The following SQSTM1 variants were observed in gnomAD, a reference collection of about 807,000 sequenced individuals.
SQSTM1 encodes sequestosome 1, also known as sequestosome-1.
SQSTM1 carries 36 observed loss-of-function variants against 45.1 expected under a neutral mutation model. That is an observed-to-expected ratio of 0.80 (90% CI 0.61 to 1.05). The LOEUF (loss-of-function observed/expected upper bound fraction) is 1.05. Ranked by LOEUF, SQSTM1 falls within the 50% of genes least tolerant of loss-of-function variation. SQSTM1 has a pLI of 0.00. For missense variants in SQSTM1, 617 were observed against 607.1 expected (o/e 1.02, Z -0.17); for synonymous variants, 290 against 244.3 (o/e 1.19, Z -1.74).
rs377371202 is a variant in SQSTM1 at position 179,820,941 on chromosome 5, C to T, written c.5C>T (p.Ala2Val). Residue 2 changes from alanine (A) to valine (V), a missense_variant, in exon 1 of 8, where the codon GCG becomes GTG. Transcript: ENST00000389805. ...TCCGCCAGCTCGCCGCTCGCTATGGCGTCGCTCACCGTGAAGGCCTACCTT... is the reference window on the plus strand; with the variant it reads ...TCCGCCAGCTCGCCGCTCGCTATGGTGTCGCTCACCGTGAAGGCCTACCTT... M[A>V]SLTVKAYLLG... 3.8e-5 allele frequency: 59 copies of T among 1,551,114 alleles called. No individual in the cohort carries two copies. In the African/African-American group the frequency reaches 5.2e-4, roughly 14 times the overall value.
chr5:179,830,835 C>T (rs1316586930), intron 5 of SQSTM1, among the ~76,000 whole-genome samples: 6 of 152,164 alleles, frequency 3.9e-5, no homozygotes, highest in Non-Finnish European at 7.3e-5. Context: ...GGATTACAGG[C>T]ATGAGCCACT....
At chr5:179,836,311 G>A (rs1026511476) in intron 7 of SQSTM1, 125 bp from the exon 8 acceptor site, 1 of 1,310,912 alleles carries the variant, frequency 7.6e-7, no homozygotes, top group African/African-American at 1.5e-5. Context: ...GTGAGGACGA[G>A]AGCTCTGGGC....
At chr5:179,828,206 C>G (rs142404900) in intron 5 of SQSTM1, among the ~76,000 whole-genome samples, 1 of 152,172 alleles carries the variant, frequency 6.6e-6, no homozygotes. Flanking sequence ...GCCTGAAAAT[C>G]TCACGCTTTC....
chr5:179,811,866 GCC>G (rs1757419325), intron 2 of SQSTM1: 1 of 152,156 alleles, frequency 6.6e-6, no homozygotes, highest in Non-Finnish European at 1.5e-5. Context: ...GTGCAGTGGC[GCC>G]ATCTCGGCTC....
chr5:179,821,607 A>G, intron 1 of SQSTM1: 2 of 441,662 alleles, frequency 4.5e-6, no homozygotes, highest in East Asian at 8.0e-5. Context: ...GAGGGGAGGG[A>G]GTGACGCGGG....
chr5:179,836,592 G>A lies in SQSTM1; in HGVS notation c.1322G>A (p.Ter441=), dbSNP rs987821927. The change falls in exon 8 of 8, where the codon TGA becomes TAA. Residue 441 remains the stop codon, a stop_retained_variant. Coordinates refer to ENST00000389805, the MANE Select transcript of SQSTM1 (RefSeq NM_003900.5). ...IQYSKHPPPL[*] is the part of the protein sequence containing the mutation. ...TATTCAAAGCATCCCCCGCCGTTGT[G>A]ACCACTTTTGCCCACCTCTTCTGCG... 2.0e-5 allele frequency: 33 copies of A among 1,614,028 alleles called. No individual in the cohort carries two copies. The highest frequency in any genetic ancestry group is 5.0e-5 in the Admixed American group (3 of 59,992).
chr5:179,824,830 T>C (rs988944398), intron 4 of SQSTM1, among the ~76,000 whole-genome samples: 2 of 152,220 alleles, frequency 1.3e-5, no homozygotes. Flanking sequence ...TTTGCTTGAC[T>C]TTGAGTAAAT....
upstream of SQSTM1, chr5:179,818,855 G>GT (rs1023179445): frequency 6.6e-6 from 1 of 152,660 alleles, no homozygotes; most frequent in Non-Finnish European, 1.5e-5. Flanking sequence ...TGCACGCCGG[G>GT]CCCTGGAGGG....
rs775444139 is a variant in SQSTM1 at position 179,837,193 on chromosome 5, T to G, written c.*600T>G. 6.5e-7 allele frequency: 1 copy of G among 1,546,666 alleles called. No individual in the cohort carries two copies. Among genetic ancestry groups the G allele is most frequent in the South Asian group, 1.2e-5 (1 of 86,866 alleles). Reference sequence around the variant, plus strand: ...TCAGCTGCTTTTAAAATAAGATCTCTTTGTAGCCATCCTGTTAAATTTGTA... The same window carrying G: ...TCAGCTGCTTTTAAAATAAGATCTCGTTGTAGCCATCCTGTTAAATTTGTA... On this transcript the variant is annotated 3_prime_UTR_variant, in exon 8 of 8. Coordinates refer to ENST00000389805, the MANE Select transcript of SQSTM1 (RefSeq NM_003900.5).
chr5:179,822,630 G>T, intron 1 of SQSTM1: 1 of 377,120 alleles, frequency 2.7e-6, no homozygotes, highest in Non-Finnish European at 5.1e-6. Flanking sequence ...GGGCCTGGTC[G>T]GATGGGGAAT....
chr5:179,811,963 C>T (rs924001461), intron 2 of SQSTM1: 2 of 152,182 alleles, frequency 1.3e-5, no homozygotes, highest in Non-Finnish European at 2.9e-5. Flanking sequence ...CGCCACCACG[C>T]CCGGCTGATT....
chr5:179,833,049 G>T lies in SQSTM1; in HGVS notation c.772G>T (p.Asp258Tyr). ...LSPLGIEVDI[D>Y]VEHGGKRSRL... ...GCCTCTAGGCATTGAAGTTGATATC[G>T]ATGTGGAGCACGGAGGGAAAAGAAG... The change falls in exon 6 of 8, where the codon GAT becomes TAT. Residue 258 changes from aspartate (D) to tyrosine (Y), a missense_variant. Physicochemically the swap from Asp to Tyr is radical, Grantham distance 160. Transcript: ENST00000389805. 3 of 1,614,098 alleles carry T rather than the reference G, an allele frequency of 1.9e-6. No individual in the cohort carries two copies. The highest frequency in any genetic ancestry group is 2.5e-6 in the Non-Finnish European group (3 of 1,180,018).
rs543764904 is a variant in SQSTM1, at chr5:179,836,243, G to A, written c.1166-193G>A. On this transcript the variant is annotated intron_variant, in intron 7 of 7. Transcript: ENST00000389805. ...TGCCTGGTGTCGCAGTGGCAGAGTT[G>A]AGCAGTGTGAAAAAGACTGCTTGGC... 20 of 705,810 alleles carry A rather than the reference G, an allele frequency of 2.8e-5. No individual in the cohort carries two copies. In the South Asian group the frequency reaches 3.1e-4, roughly 11 times the overall value. 43.7% of individuals were successfully genotyped at this position (705,810 alleles called of 1,614,324 possible).
At chr5:179,817,675 G>A (rs1349235004), upstream of SQSTM1, among the ~76,000 whole-genome samples, 2 of 152,154 alleles carry the variant, frequency 1.3e-5, no homozygotes, top group Non-Finnish European at 2.9e-5. Flanking sequence ...TGGCCCCCGT[G>A]CCTCTTGCCT....
At chr5:179,822,857 C>A (rs1287933617) in intron 1 of SQSTM1, 101 bp from the exon 2 acceptor site, 7 of 963,188 alleles carry the variant, frequency 7.3e-6, no homozygotes, top group African/African-American at 3.2e-5. Context: ...TTGTTTATAG[C>A]CCTGTGAGTG....
chr5:179,827,802 C>T (rs904155185), intron 5 of SQSTM1, among the ~76,000 whole-genome samples: 2 of 152,236 alleles, frequency 1.3e-5, no homozygotes, highest in African/African-American at 4.8e-5. Context: ...GGATGACTCA[C>T]AGGTTAACTG....
upstream of SQSTM1, among the ~76,000 whole-genome samples, chr5:179,819,252 G>A (rs1757677406): frequency 6.6e-6 from 1 of 152,206 alleles, no homozygotes. Flanking sequence ...AAGGCGTGCG[G>A]GGAAGGGCCA....
In SQSTM1 at chr5:179,833,664, T is replaced by C. The variant is rs1554091459; in HGVS notation, c.1047T>C (p.Ser349=). The change falls in exon 7 of 8, where the codon TCT becomes TCC. Residue 349 remains serine, a synonymous_variant. Transcript: ENST00000389805. ...THLSSKEVDP[S]TGELQSLQMP... ...TGTCTTCAAAAGAAGTGGACCCGTC[T>C]ACAGGTGAACTCCAGTCCCTACAGA... 3.1e-6 allele frequency: 5 copies of C among 1,614,176 alleles called. No individual in the cohort carries two copies. The highest frequency in any genetic ancestry group is 2.7e-5 in the African/African-American group (2 of 75,052).
upstream of SQSTM1, among the ~76,000 whole-genome samples, chr5:179,819,316 T>TCCCCCCCCCCCCCCCCCCCCC (rs1409541383): frequency 8.0e-6 from 1 of 125,420 alleles, no homozygotes; most frequent in African/African-American, 3.5e-5. Flanking sequence ...TGCTTCCTTC[T>TCCCCCCCCCCCCCCCCCCCCC]CCCCTCCCCG....
Sources: gnomAD v4.1 joint callset for allele counts (sites outside exome capture counted in the v4.1 genomes callset) on GRCh38, gnomAD v4.1.1 for gene constraint, MANE v1.5 for transcripts, NCBI Gene and HGNC (gene_info 2026-07-23, HGNC 2026-07-21) for gene names.